Variants in AP3B2 observed in about 807,000 individuals in gnomAD.
AP3B2 encodes adaptor related protein complex 3 subunit beta 2.
A neutral mutation model predicts 126.9 loss-of-function variants in AP3B2; 50 were observed. The observed-to-expected ratio is 0.39, with a 90% CI of 0.31 to 0.50. AP3B2 has a LOEUF of 0.50. Among genes scored for constraint, AP3B2 ranks in the 20% least tolerant of loss-of-function variants. AP3B2 has a pLI of 0.79. For missense variants in AP3B2, 1,177 were observed against 1,426.4 expected (o/e 0.83, Z 2.82); for synonymous variants, 541 against 565.0 (o/e 0.96, Z 0.60).
In AP3B2 at chr15:82,663,836, C is replaced by G; in HGVS notation, c.2401G>C (p.Glu801Gln). The G allele has an allele frequency of 6.2e-7, 1 of 1,613,850 alleles. No homozygotes were observed. The highest frequency in any genetic ancestry group is 8.5e-7 in the Non-Finnish European group (1 of 1,179,838). The part of the protein sequence containing the change: ...ESEMTSESEE[E>Q]QLEPASWSRK... ...CTCCAGGAGGCAGGTTCTAACTGCT[C>G]CTCCTCGGACTCCGATGTCATCTCG... Residue 801 changes from glutamate to glutamine, a missense_variant, in exon 20 of 27, where the codon GAG becomes CAG. Around this residue, in one of 5 missense-constraint regions of AP3B2, gnomAD observed 587 missense variants for 571.3 expected, o/e 1.03. Coordinates refer to ENST00000535359, the MANE Select transcript of AP3B2 (RefSeq NM_001278512.2).
In AP3B2 at chr15:82,659,282, A is replaced by C; in HGVS notation, c.*278T>G. 3 of 352,808 alleles carry C rather than the reference A, an allele frequency of 8.5e-6. No homozygotes were observed. The highest frequency in any genetic ancestry group is 1.6e-5 in the Non-Finnish European group (3 of 191,794). 21.9% of individuals were successfully genotyped at this position (352,808 alleles called of 1,614,324 possible). On this transcript the variant is annotated 3_prime_UTR_variant, in exon 27 of 27. Transcript: ENST00000535359. ...TAGAAGGAAAGGTGAGCCAGCAGCT[A>C]GAGAGAAGACATTTTATTGAGCCTG... is the stretch of plus-strand genomic sequence containing the variant.
At chr15:82,697,541 G>A (rs1037141941) in intron 1 of AP3B2, among the ~76,000 whole-genome samples, 2 of 152,284 alleles carry the variant, frequency 1.3e-5, no homozygotes, top group Admixed American at 6.5e-5. Flanking sequence ...GACAGAACAC[G>A]CAACTTAGTC....
chr15:82,679,630 A>C (rs1322104866), intron 10 of AP3B2, 99 bp downstream of exon 10: 7 of 1,129,472 alleles, frequency 6.2e-6, no homozygotes, highest in Non-Finnish European at 9.1e-6. Flanking sequence ...GCTCAGCCCC[A>C]GGAATAGGCA....
intron 4 of AP3B2, among the ~76,000 whole-genome samples, chr15:82,682,750 T>C (rs1489844540): frequency 6.6e-6 from 1 of 151,628 alleles, no homozygotes; most frequent in Non-Finnish European, 1.5e-5. Flanking sequence ...ATGTTTACAA[T>C]ATACTGTAGT....
Position 82,665,410 on chromosome 15 carries a change from C to T in AP3B2, c.1971+47G>A, listed in dbSNP as rs1055697536. 3 of 765,314 alleles carry T rather than the reference C, an allele frequency of 3.9e-6. No homozygotes were observed. Among genetic ancestry groups the T allele is most frequent in the African/African-American group, 3.6e-5 (2 of 54,838 alleles). The allele number at this position is 765,314 out of a possible 1,614,324, so 47.4% of individuals were successfully genotyped here. A position where few individuals can be genotyped will look rare whatever the true frequency, so the allele number is the denominator to read the frequency against. ...ACACACACACACACACACACACACA[C>T]ACACACACACACACACACACACACT... On this transcript the variant is annotated intron_variant, in intron 16 of 26. Coordinates refer to ENST00000535359, the MANE Select transcript of AP3B2 (RefSeq NM_001278512.2). The surrounding 1 kb of genome is among the most constrained non-coding windows in gnomAD (Gnocchi z 4.4).
At position 82,677,229 on chromosome 15, in the gene AP3B2, G is replaced by A. The variant is rs779006264; in HGVS notation, c.1488+45C>T. ...GTAATTATACAGTCTTGAAATCATG[G>A]GGAGGACCTTGAAGTGGGGAGTGAA... is the stretch of plus-strand genomic sequence containing the variant. On this transcript the variant is annotated intron_variant, in intron 13 of 26. Coordinates refer to ENST00000535359, the MANE Select transcript of AP3B2 (RefSeq NM_001278512.2). 4 of 1,456,498 alleles carry A rather than the reference G, an allele frequency of 2.7e-6. No homozygotes were observed. The Admixed American group carries it at 7.1e-5, about 26-fold the overall frequency. 90.2% of individuals were successfully genotyped at this position (1,456,498 alleles called of 1,614,324 possible). A position where few individuals can be genotyped will look rare whatever the true frequency, so the allele number is the denominator to read the frequency against.
At position 82,681,024 on chromosome 15, in the gene AP3B2, G is replaced by C. The variant is rs1395692599; in HGVS notation, c.589-5C>G. The C allele has an allele frequency of 3.1e-6, 5 of 1,613,714 alleles. No homozygotes were observed. The highest frequency in any genetic ancestry group is 4.2e-6 in the Non-Finnish European group (5 of 1,179,870). ...CACCACACTGCCCGCCACCAGCTGG[G>C]GAAAGAACAAAGACGAGAGGGTGAA... On this transcript the variant is annotated splice_region_variant and splice_polypyrimidine_tract_variant and intron_variant, in intron 6 of 26. Transcript: ENST00000535359. The surrounding 1 kb of genome is among the most constrained non-coding windows in gnomAD (Gnocchi z 4.0).
chr15:82,692,065 C>A, intron 1 of AP3B2: 1 of 1,491,318 alleles, frequency 6.7e-7, no homozygotes, highest in East Asian at 2.3e-5. Flanking sequence ...ATCAGATCTT[C>A]TTGCAGAAGG....
At chr15:82,686,388 G>A (rs2048426645) in intron 4 of AP3B2, 1 of 152,088 alleles carries the variant, frequency 6.6e-6, no homozygotes, top group Non-Finnish European at 1.5e-5. Context: ...CCAAAAGCCA[G>A]TGACAACAAA....
chr15:82,682,799 A>T lies in AP3B2; in HGVS notation c.361-1219T>A, dbSNP rs575255846. Among the ~76,000 whole-genome samples, 24 of 152,174 alleles carry T rather than the reference A, an allele frequency of 1.6e-4. No homozygotes were observed. In the East Asian group the frequency reaches 4.6e-3, roughly 29 times the overall value. ...AATAGCATTATGTCTTTAAAAAAAC[A>T]ATGTAGGCTGGGCGTGATGGCTTGT... On this transcript the variant is annotated intron_variant, in intron 4 of 26. Coordinates refer to ENST00000535359, the MANE Select transcript of AP3B2 (RefSeq NM_001278512.2).
chr15:82,694,448 G>A (rs2048601900), intron 1 of AP3B2, among the ~76,000 whole-genome samples: 2 of 152,130 alleles, frequency 1.3e-5, no homozygotes, highest in Admixed American at 1.3e-4. Context: ...CACTTTGGGA[G>A]ACTGAGGCAG....
intron 14 of AP3B2, among the ~76,000 whole-genome samples, chr15:82,668,865 AT>A (rs1240737468): frequency 6.6e-6 from 1 of 152,230 alleles, no homozygotes; most frequent in Non-Finnish European, 1.5e-5. Context: ...TCAGAGAGGA[AT>A]TTTAAGCAGG....
chr15:82,694,072 C>T (rs749597955), intron 1 of AP3B2, among the ~76,000 whole-genome samples: 2 of 151,988 alleles, frequency 1.3e-5, no homozygotes, highest in Admixed American at 6.6e-5. Flanking sequence ...GGCGCAATCT[C>T]GGCTCACTGC....
At position 82,683,047 on chromosome 15, in the gene AP3B2, G is replaced by GTTTTTTTTTTTTTT. The variant is rs61213011; in HGVS notation, c.361-1481_361-1468dup. On this transcript the variant is annotated intron_variant, in intron 4 of 26. Transcript: ENST00000535359. ...AATGTTCACAGCATCTGCACCAGGA[G>GTTTTTTTTTTTTTT]TTTTTTTTTTTTTTTTTTTTTTTTT... Among the ~76,000 whole-genome samples the GTTTTTTTTTTTTTT allele has an allele frequency of 1.0e-3, 81 of 77,730 alleles. 16 individuals carry two copies. Among genetic ancestry groups the GTTTTTTTTTTTTTT allele is most frequent in the Non-Finnish European group, 1.7e-3 (67 of 39,604 alleles). The allele number at this position is 77,730 out of a possible 152,430, so 51.0% of individuals were successfully genotyped here. A position where few individuals can be genotyped will look rare whatever the true frequency, so the allele number is the denominator to read the frequency against.
At chr15:82,661,687 T>C in intron 25 of AP3B2, 138 bp downstream of exon 25, 1 of 666,166 alleles carries the variant, frequency 1.5e-6, no homozygotes, top group Non-Finnish European at 2.6e-6. Context: ...CTAAAACATT[T>C]ATCTTTGGCC....
At position 82,659,695 on chromosome 15, in the gene AP3B2, T is replaced by G; in HGVS notation, c.3171A>C (p.Thr1057=). 1 of 1,613,772 alleles carries G rather than the reference T, an allele frequency of 6.2e-7. No individual in the cohort carries two copies. The highest frequency in any genetic ancestry group is 8.5e-7 in the Non-Finnish European group (1 of 1,179,802). Residue 1057 remains threonine, a synonymous_variant, in exon 27 of 27, where the codon ACA becomes ACC. Transcript: ENST00000535359. Reference sequence around the variant, plus strand: ...GCAGAACGAGGCTTCCACCAGTCAGTGTCCTCCCTGCAAACCTGAGGTGGG... The same window carrying G: ...GCAGAACGAGGCTTCCACCAGTCAGGGTCCTCCCTGCAAACCTGAGGTGGG... The part of the protein sequence containing the change: ...TSDEYRFAGR[T]LTGGSLVLLT...
chr15:82,677,875 C>A, intron 11 of AP3B2, 72 bp from the exon 12 acceptor site: 1 of 1,506,272 alleles, frequency 6.6e-7, no homozygotes, highest in Non-Finnish European at 8.9e-7. Context: ...AGGCTGTGGC[C>A]TTTCATTTTA....
intron 14 of AP3B2, among the ~76,000 whole-genome samples, chr15:82,676,134 C>T (rs1259331693): frequency 1.3e-5 from 2 of 152,196 alleles, no homozygotes; most frequent in South Asian, 2.1e-4. Context: ...CCATCAGTAC[C>T]TGCCACTGTT....
intron 1 of AP3B2, among the ~76,000 whole-genome samples, chr15:82,704,675 A>C (rs1246810236): frequency 6.6e-6 from 1 of 152,222 alleles, no homozygotes; most frequent in Non-Finnish European, 1.5e-5. Flanking sequence ...ACTCTGGCCC[A>C]AGGCTGCCTG....
Sources: gnomAD v4.1 joint callset for allele counts (sites outside exome capture counted in the v4.1 genomes callset) on GRCh38, gnomAD v4.1.1 for gene constraint, gnomAD v4.1.1 regional missense constraint, Gnocchi (gnomAD v3.1) non-coding constraint, MANE v1.5 for transcripts, NCBI Gene and HGNC (gene_info 2026-07-23, HGNC 2026-07-21) for gene names.